The following TNKS2 variants were observed in gnomAD, a reference collection of about 807,000 sequenced individuals.
TNKS2 encodes the protein tankyrase 2.
In TNKS2, 72 loss-of-function variants were observed where a neutral mutation model predicts 137.6. That is an observed-to-expected ratio of 0.52 (90% CI 0.43 to 0.64). The LOEUF is 0.64. TNKS2 is among the 30% of genes least tolerant of loss of function. TNKS2 has a pLI of 0.00. For missense variants in TNKS2, 1,049 were observed against 1,410.2 expected (o/e 0.74, Z 4.10); for synonymous variants, 516 against 512.1 (o/e 1.01, Z -0.10).
chr10:91,841,478 A>G (rs1301654869), intron 15 of TNKS2, 30 bp downstream of exon 15: 1 of 1,524,776 alleles, frequency 6.6e-7, no homozygotes, highest in East Asian at 2.3e-5. Flanking sequence ...TGTAAAGAGT[A>G]TGAATTACAT....
At chr10:91,808,174 G>A (rs1056631612) in intron 1 of TNKS2, among the ~76,000 whole-genome samples, 1 of 151,782 alleles carries the variant, frequency 6.6e-6, no homozygotes, top group Non-Finnish European at 1.5e-5. Context: ...ATGTGGATGG[G>A]CAGAAGGGAC....
chr10:91,801,288 C>G (rs1368842843), intron 1 of TNKS2, among the ~76,000 whole-genome samples: 1 of 152,072 alleles, frequency 6.6e-6, no homozygotes. Flanking sequence ...AGAAGATAGT[C>G]AACATAAACA....
intron 16 of TNKS2, among the ~76,000 whole-genome samples, chr10:91,843,199 A>G (rs1842268299): frequency 6.6e-6 from 1 of 152,218 alleles, no homozygotes; most frequent in Non-Finnish European, 1.5e-5. Context: ...ACCAAAGACC[A>G]GGTGGCTTAA....
At chr10:91,846,631 G>A (rs967056438) in intron 18 of TNKS2, among the ~76,000 whole-genome samples, 1 of 151,518 alleles carries the variant, frequency 6.6e-6, no homozygotes, top group African/African-American at 2.4e-5. Context: ...GAGATGAGAA[G>A]GAAGGGGAAT....
chr10:91,853,479 C>T (rs996708570), intron 21 of TNKS2, among the ~76,000 whole-genome samples: 1 of 152,220 alleles, frequency 6.6e-6, no homozygotes, highest in African/African-American at 2.4e-5. Flanking sequence ...AGTCAACCAA[C>T]AGGGATTCTG....
Position 91,848,522 on chromosome 10 carries a change from C to T in TNKS2, c.2498C>T (p.Ser833Leu). 6.2e-7 allele frequency: 1 copy of T among 1,614,176 alleles called. No individual in the cohort carries two copies. ...DALSSGPSSP[S>L]SLSAASSLDN... ...CTCTCTTCAGGTCCATCTAGCCCATCAAGCCTTTCTGCAGCCAGCAGTCTT... is the reference window on the plus strand; with the variant it reads ...CTCTCTTCAGGTCCATCTAGCCCATTAAGCCTTTCTGCAGCCAGCAGTCTT... The change falls in exon 19 of 27, where the codon TCA (serine) becomes TTA (leucine). Residue 833 changes from serine to leucine, a missense_variant. Ser to Leu is a moderately radical substitution (Grantham distance 145). This residue lies in a region of TNKS2 where 208 missense variants were observed against 231.2 expected (regional missense o/e 0.90). Coordinates refer to ENST00000371627, the MANE Select transcript of TNKS2 (RefSeq NM_025235.4).
Position 91,798,744 on chromosome 10 carries a change from C to G in TNKS2, c.54C>G (p.Ala18=), listed in dbSNP as rs1002299214. 1 of 1,248,712 alleles carries G rather than the reference C, an allele frequency of 8.0e-7. No individual in the cohort carries two copies. The highest frequency in any genetic ancestry group is 4.2e-5 in the Admixed American group (1 of 23,670). 77.4% of individuals were successfully genotyped at this position (1,248,712 alleles called of 1,614,324 possible). The part of the protein sequence containing the change: ...GGGAACASAA[A]EAVEPAAREL... ...GAGCGGCCTGCGCGAGCGCCGCGGC[C>G]GAGGCCGTGGAGCCGGCCGCCCGAG... The change falls in exon 1 of 27, where the codon GCC becomes GCG. Residue 18 remains alanine (A), a synonymous_variant. Transcript: ENST00000371627.
In TNKS2 at chr10:91,828,352, T is replaced by A. The variant is rs1845131324; in HGVS notation, c.1050T>A (p.His350Gln). 1 of 1,609,082 alleles carries A rather than the reference T, an allele frequency of 6.2e-7. No individual in the cohort carries two copies. Among genetic ancestry groups the A allele is most frequent in the Non-Finnish European group, 8.5e-7 (1 of 1,178,108 alleles). The change falls in exon 9 of 27, where the codon CAT becomes CAA. Residue 350 changes from histidine to glutamine, a missense_variant. By Grantham distance (24) the His-to-Gln change is conservative (BLOSUM62 0). Coordinates refer to ENST00000371627, the MANE Select transcript of TNKS2 (RefSeq NM_025235.4). ...READVTRIKK[H>Q]LSLEMVNFKH... is the part of the protein sequence containing the mutation. ...CTGATGTTACTCGAATCAAAAAACA[T>A]CTCTCTCTGGAAATGGTGAATTTCA... is the stretch of plus-strand genomic sequence containing the variant.
At chr10:91,814,982 G>T (rs538172680) in intron 2 of TNKS2, among the ~76,000 whole-genome samples, 8 of 152,334 alleles carry the variant, frequency 5.3e-5, no homozygotes, top group Admixed American at 5.2e-4. Flanking sequence ...GAGAAATGAT[G>T]CTACTGAATT....
chr10:91,862,494 A>G (rs1168234193), intron 26 of TNKS2, among the ~76,000 whole-genome samples: 3 of 152,150 alleles, frequency 2.0e-5, no homozygotes, highest in Non-Finnish European at 4.4e-5. Context: ...AAATTTCCTA[A>G]AAACAAGAAG....
At chr10:91,846,045 T>G in intron 18 of TNKS2, 105 bp downstream of exon 18, 1 of 1,000,652 alleles carries the variant, frequency 1.0e-6, no homozygotes, top group East Asian at 2.8e-5. Flanking sequence ...TGGCAAAATC[T>G]GGGTTTTAGC....
chr10:91,855,057 C>T lies in TNKS2; in HGVS notation c.2844C>T (p.Thr948=), dbSNP rs61756247. 346 of 1,610,516 alleles carry T rather than the reference C, an allele frequency of 2.1e-4. No individual in the cohort carries two copies. The highest frequency in any genetic ancestry group is 1.3e-3 in the Admixed American group (78 of 59,928). Residue 948 remains threonine (T), a synonymous_variant, in exon 22 of 27, where the codon ACC becomes ACT. Coordinates refer to ENST00000371627, the MANE Select transcript of TNKS2 (RefSeq NM_025235.4). ...TTAACCCATATTTAACTTTGAACAC[C>T]TCTGGTAGTGGAACAATTCTTATAG... ...QGLNPYLTLN[T]SGSGTILIDL...
At chr10:91,852,604 ACAT>A (rs1225553338) in intron 21 of TNKS2, among the ~76,000 whole-genome samples, 2 of 152,258 alleles carry the variant, frequency 1.3e-5, no homozygotes, top group African/African-American at 4.8e-5. Flanking sequence ...TGTCAAAACC[ACAT>A]TTAACTTTAT....
intron 7 of TNKS2, among the ~76,000 whole-genome samples, chr10:91,826,748 C>G (rs1449901906): frequency 6.6e-6 from 1 of 152,142 alleles, no homozygotes; most frequent in East Asian, 1.9e-4. Context: ...AGCATTCATT[C>G]TTGGAAGAGA....
chr10:91,817,086 G>A lies in TNKS2; in HGVS notation c.425-48G>A, dbSNP rs781185833. The A allele has an allele frequency of 3.0e-6, 4 of 1,329,364 alleles. No homozygotes were observed. The East Asian group carries it at 7.0e-5, about 23-fold the overall frequency. 82.3% of individuals were successfully genotyped at this position (1,329,364 alleles called of 1,614,324 possible). ...TGAGAAAATGATTTACTAAAATCAA[G>A]TTGTTAAGATTACCATTGAACTTCA... On this transcript the variant is annotated intron_variant, in intron 2 of 26. Transcript: ENST00000371627.
chr10:91,823,881 A>G (rs1844987018), intron 7 of TNKS2, among the ~76,000 whole-genome samples: 1 of 152,162 alleles, frequency 6.6e-6, no homozygotes, highest in Non-Finnish European at 1.5e-5. Flanking sequence ...CTTTATAATA[A>G]TAATTAGATA....
intron 1 of TNKS2, among the ~76,000 whole-genome samples, chr10:91,810,096 G>C (rs372513977): frequency 1.4e-4 from 22 of 152,164 alleles, no homozygotes; most frequent in Middle Eastern, 6.8e-3. Context: ...ATTGAAATCT[G>C]ACTGGGCCCA....
chr10:91,818,263 G>A (rs1156428137), intron 3 of TNKS2, among the ~76,000 whole-genome samples: 2 of 151,826 alleles, frequency 1.3e-5, no homozygotes, highest in African/African-American at 4.8e-5. Context: ...AAATTTTGTT[G>A]GTTTTATAGT....
At chr10:91,837,607 C>T (rs1389083162) in intron 13 of TNKS2, among the ~76,000 whole-genome samples, 2 of 152,186 alleles carry the variant, frequency 1.3e-5, no homozygotes, top group Admixed American at 6.5e-5. Context: ...TGTCGGTAAT[C>T]CCAGCACTTC....
Sources: gnomAD v4.1 joint callset for allele counts (sites outside exome capture counted in the v4.1 genomes callset) on GRCh38, gnomAD v4.1.1 for gene constraint, gnomAD v4.1.1 regional missense constraint, MANE v1.5 for transcripts, NCBI Gene and HGNC (gene_info 2026-07-23, HGNC 2026-07-21) for gene names.